The following CEP112 variants were observed in gnomAD, a reference collection of about 807,000 sequenced individuals.
The protein encoded by CEP112 is centrosomal protein of 112 kDa.
A neutral mutation model predicts 153.0 loss-of-function variants in CEP112; 127 were observed. The observed-to-expected ratio is 0.83, with a 90% CI of 0.72 to 0.96. CEP112 has a LOEUF of 0.96. Among genes scored for constraint, CEP112 ranks in the 40% least tolerant of loss-of-function variants. The pLI is 0.00. For missense variants in CEP112, 1,089 were observed against 1,101.2 expected (o/e 0.99, Z 0.16); for synonymous variants, 358 against 374.4 (o/e 0.96, Z 0.51).
intron 19 of CEP112, among the ~76,000 whole-genome samples, chr17:65,910,661 T>C (rs200650534): frequency 1.3e-5 from 2 of 152,044 alleles, no homozygotes; most frequent in Non-Finnish European, 1.5e-5. Flanking sequence ...AATCAAATCA[T>C]TGACATAGAT....
At chr17:66,060,779 T>G (rs1459556527) in intron 11 of CEP112, among the ~76,000 whole-genome samples, 1 of 151,266 alleles carries the variant, frequency 6.6e-6, no homozygotes, top group Admixed American at 6.6e-5. Flanking sequence ...AAGACTTAAA[T>G]GGAAGAACCA....
chr17:66,037,958 A>G (rs965212746), intron 12 of CEP112, among the ~76,000 whole-genome samples: 1 of 151,930 alleles, frequency 6.6e-6, no homozygotes, highest in African/African-American at 2.4e-5. Context: ...GACAAAACCA[A>G]TCTAGCTGGT....
intron 21 of CEP112, among the ~76,000 whole-genome samples, chr17:65,835,151 T>G (rs2057250513): frequency 7.0e-6 from 1 of 143,736 alleles, no homozygotes; most frequent in African/African-American, 2.6e-5. Context: ...ATGTTACCTA[T>G]GCAACAAACC....
chr17:66,062,765 A>G (rs2066971499), intron 11 of CEP112, among the ~76,000 whole-genome samples, 198 bp downstream of exon 11: 2 of 152,192 alleles, frequency 1.3e-5, no homozygotes, highest in South Asian at 4.1e-4. Context: ...TTTCTAAATG[A>G]AAACTATTTT....
In CEP112 at chr17:66,032,656, T is replaced by C. The variant is rs548275306; in HGVS notation, c.1219-2633A>G. 7.2e-5 allele frequency among the ~76,000 whole-genome samples: 11 copies of C among 152,310 alleles called. No homozygotes were observed. The South Asian group carries it at 2.1e-3, about 29-fold the overall frequency. ...GCCTCTCTGGAAGAAGATAACATCA[T>C]CCACAGCCTTTATTATTTTTTGTGC... On this transcript the variant is annotated intron_variant, in intron 12 of 26. Coordinates refer to ENST00000535342, the MANE Select transcript of CEP112 (RefSeq NM_001199165.4).
intron 19 of CEP112, among the ~76,000 whole-genome samples, chr17:65,912,532 C>G (rs1270588678): frequency 6.6e-6 from 1 of 152,134 alleles, no homozygotes; most frequent in East Asian, 1.9e-4. Context: ...TGGCCTAAAG[C>G]AACAAAACCA....
At chr17:65,854,785 T>C (rs114272539) in intron 20 of CEP112, among the ~76,000 whole-genome samples, 8 of 152,354 alleles carry the variant, frequency 5.3e-5, no homozygotes, top group African/African-American at 1.4e-4. Flanking sequence ...TGTGGATCAA[T>C]TGTCCGTGAA....
intron 20 of CEP112, among the ~76,000 whole-genome samples, chr17:65,882,787 T>C (rs538181619): frequency 6.6e-6 from 1 of 152,282 alleles, no homozygotes; most frequent in South Asian, 2.1e-4. Context: ...GAATGATAAA[T>C]ACACTGGCAA....
At chr17:65,700,543 C>A (rs1300481819) in intron 23 of CEP112, among the ~76,000 whole-genome samples, 1 of 152,064 alleles carries the variant, frequency 6.6e-6, no homozygotes, top group Non-Finnish European at 1.5e-5. Flanking sequence ...ACCTGCAATG[C>A]TTGTTGGCTA....
At chr17:65,863,433 G>A (rs1488630344) in intron 20 of CEP112, among the ~76,000 whole-genome samples, 1 of 152,172 alleles carries the variant, frequency 6.6e-6, no homozygotes, top group Non-Finnish European at 1.5e-5. Context: ...AGAATGGTGT[G>A]TCATGAGCAC....
chr17:65,695,898 T>C lies in CEP112; in HGVS notation c.2608-6680A>G, dbSNP rs578160376. Among the ~76,000 whole-genome samples, 114 of 152,360 alleles carry C rather than the reference T, an allele frequency of 7.5e-4. 1 individual carries two copies. Among genetic ancestry groups the C allele is most frequent in the African/African-American group, 2.5e-3 (105 of 41,582 alleles). ...AGCGTATAAATTGGTCTTCAGCTTATAGCTCAGAATATTGGTACTCTAAGT... is the reference window on the plus strand; with the variant it reads ...AGCGTATAAATTGGTCTTCAGCTTACAGCTCAGAATATTGGTACTCTAAGT... On this transcript the variant is annotated intron_variant, in intron 23 of 26. Coordinates refer to ENST00000535342, the MANE Select transcript of CEP112 (RefSeq NM_001199165.4).
intron 21 of CEP112, among the ~76,000 whole-genome samples, chr17:65,814,805 A>C (rs538470495): frequency 2.6e-5 from 4 of 152,326 alleles, no homozygotes; most frequent in African/African-American, 9.6e-5. Context: ...TCAGTGCCCT[A>C]CCAACATAGT....
At chr17:65,970,823 G>T (rs975813650) in intron 17 of CEP112, among the ~76,000 whole-genome samples, 3 of 152,176 alleles carry the variant, frequency 2.0e-5, no homozygotes, top group African/African-American at 7.2e-5. Flanking sequence ...CATGTATATT[G>T]CATGCATGCA....
rs2061737521 is a variant in CEP112 at position 65,949,161 on chromosome 17, CAT to C, written c.1872+12300_1872+12301del. 2.0e-5 allele frequency among the ~76,000 whole-genome samples: 3 copies of C among 152,170 alleles called. No homozygotes were observed. In the South Asian group the frequency reaches 6.2e-4, roughly 32 times the overall value. The stretch of plus-strand genomic sequence containing the variant: ...CAAAGACACAATTTACCATGTTTGA[CAT>C]ATATATTTTAATATTTTAACATCTG... On this transcript the variant is annotated intron_variant, in intron 18 of 26. Coordinates refer to ENST00000535342, the MANE Select transcript of CEP112 (RefSeq NM_001199165.4).
intron 21 of CEP112, among the ~76,000 whole-genome samples, chr17:65,835,490 A>G (rs550935529): frequency 2.0e-5 from 3 of 152,324 alleles, no homozygotes; most frequent in East Asian, 1.9e-4. Context: ...TGGAGCCCCA[A>G]TACGGCTTTC....
At chr17:66,179,092 T>C (rs116867915) in intron 2 of CEP112, among the ~76,000 whole-genome samples, 5,198 of 152,288 alleles carry the variant, frequency 0.034, 132 homozygotes, top group Middle Eastern at 0.061. Flanking sequence ...TTGGTTACAA[T>C]TGCTCTGTAG....
intron 8 of CEP112, among the ~76,000 whole-genome samples, chr17:66,081,295 T>A (rs1175826218): frequency 6.6e-6 from 1 of 152,120 alleles, no homozygotes; most frequent in Non-Finnish European, 1.5e-5. Context: ...AAAATCAATA[T>A]TAAAACAAAT....
intron 17 of CEP112, among the ~76,000 whole-genome samples, chr17:65,987,717 C>T (rs114694430): frequency 6.6e-6 from 1 of 152,120 alleles, no homozygotes; most frequent in Non-Finnish European, 1.5e-5. Flanking sequence ...CCCAGGACCA[C>T]AGGGAAGTAA....
intron 20 of CEP112, among the ~76,000 whole-genome samples, chr17:65,852,564 A>T (rs999577760): frequency 3.4e-5 from 5 of 145,484 alleles, no homozygotes; most frequent in African/African-American, 1.3e-4. Flanking sequence ...TCAGAGGCAA[A>T]TACCACCTGG....
Sources: gnomAD v4.1 joint callset for allele counts (sites outside exome capture counted in the v4.1 genomes callset) on GRCh38, gnomAD v4.1.1 for gene constraint, MANE v1.5 for transcripts, NCBI Gene and HGNC (gene_info 2026-07-23, HGNC 2026-07-21) for gene names.